RSPO4: variants seen among roughly 807,000 people sequenced by gnomAD.
RSPO4 encodes the protein R-spondin 4.
A neutral mutation model predicts 24.8 loss-of-function variants in RSPO4; 23 were observed. That is an observed-to-expected ratio of 0.93 (90% CI 0.67 to 1.31). RSPO4 has a LOEUF of 1.31. Among genes scored for constraint, RSPO4 ranks in the 40% most tolerant of loss-of-function variants. The probability of loss-of-function intolerance (pLI) is 0.00; values close to 1 mark genes in which losing one functional copy is unlikely to be tolerated. For missense variants in RSPO4, 333 were observed against 316.5 expected (o/e 1.05, Z -0.39); for synonymous variants, 141 against 127.4 (o/e 1.11, Z -0.72).
chr20:976,550 A>T (rs923442037), intron 1 of RSPO4, among the ~76,000 whole-genome samples: 4 of 152,112 alleles, frequency 2.6e-5, no homozygotes, highest in African/African-American at 9.7e-5. Context: ...ACGGCTCAAC[A>T]TGTGCAAGTG....
At position 964,004 on chromosome 20, in the gene RSPO4, C is replaced by T. The variant is rs769999094; in HGVS notation, c.526G>A (p.Glu176Lys). ...RVREAGRAGH[E>K]EAATCQVLSE... ...AGCACCTGGCAGGTGGCTGCCTCCT[C>T]ATGCCCAGCCCGGCCAGCCTCTCGT... Residue 176 changes from glutamate (E) to lysine (K), a missense_variant, in exon 4 of 5, where the codon GAG becomes AAG. By Grantham distance (56) the Glu-to-Lys change is moderately conservative. Transcript: ENST00000217260. 1.3e-5 allele frequency: 21 copies of T among 1,613,796 alleles called. No individual in the cohort carries two copies. The highest frequency in any genetic ancestry group is 8.5e-7 in the Non-Finnish European group (1 of 1,180,042).
chr20:968,157 C>A lies in RSPO4; in HGVS notation c.80-19G>T, dbSNP rs766094662. The stretch of plus-strand genomic sequence containing the variant: ...GTGCCCACTGCCCACAAGACCAGGG[C>A]AGAAGGAGGGGGAAAGGGAGAGAGA... On this transcript the variant is annotated intron_variant, in intron 1 of 4. Transcript: ENST00000217260. 1 of 1,611,720 alleles carries A rather than the reference C, an allele frequency of 6.2e-7. No homozygotes were observed. Among genetic ancestry groups the A allele is most frequent in the South Asian group, 1.1e-5 (1 of 91,036 alleles).
chr20:993,857 G>T (rs1985190276), intron 1 of RSPO4, among the ~76,000 whole-genome samples: 1 of 152,184 alleles, frequency 6.6e-6, no homozygotes, highest in South Asian at 2.1e-4. Flanking sequence ...CCTCAGAGGG[G>T]TGCTGTGAGG....
chr20:992,992 C>T (rs1423479758), intron 1 of RSPO4, among the ~76,000 whole-genome samples: 1 of 152,180 alleles, frequency 6.6e-6, no homozygotes, highest in Non-Finnish European at 1.5e-5. Flanking sequence ...CAGCTGTGCC[C>T]ACTGGCCAAC....
chr20:998,146 C>G (rs56399744), intron 1 of RSPO4, among the ~76,000 whole-genome samples: 2,741 of 152,246 alleles, frequency 0.018, 31 homozygotes, highest in Non-Finnish European at 0.026. Context: ...AAGGTTTGAT[C>G]CCAGGGCTCT....
intron 1 of RSPO4, among the ~76,000 whole-genome samples, chr20:982,858 T>C (rs1410621045): frequency 2.0e-5 from 3 of 152,214 alleles, no homozygotes; most frequent in Non-Finnish European, 2.9e-5. Flanking sequence ...AGCAGAGGCC[T>C]CTCGTGGCTC....
intron 1 of RSPO4, among the ~76,000 whole-genome samples, chr20:997,677 A>T (rs1479947689): frequency 1.3e-5 from 2 of 152,212 alleles, no homozygotes; most frequent in Non-Finnish European, 2.9e-5. Flanking sequence ...GGCCTGGTGC[A>T]TCTGTCTGTG....
At chr20:996,242 G>A (rs996709620) in intron 1 of RSPO4, among the ~76,000 whole-genome samples, 9 of 151,980 alleles carry the variant, frequency 5.9e-5, no homozygotes, top group Non-Finnish European at 1.0e-4. Flanking sequence ...ATTCCATTCC[G>A]TTACCATTCC....
At chr20:972,618 C>T (rs1984441519) in intron 1 of RSPO4, among the ~76,000 whole-genome samples, 1 of 152,218 alleles carries the variant, frequency 6.6e-6, no homozygotes, top group South Asian at 2.1e-4. Context: ...CTTGGCGTGG[C>T]TGTATTAACC....
At chr20:977,433 G>A (rs1275358817) in intron 1 of RSPO4, among the ~76,000 whole-genome samples, 1 of 152,170 alleles carries the variant, frequency 6.6e-6, no homozygotes, top group South Asian at 2.1e-4. Context: ...TGTAAAACAA[G>A]AATCCTCCTG....
chr20:990,407 C>T (rs1985058565), intron 1 of RSPO4, among the ~76,000 whole-genome samples: 1 of 152,200 alleles, frequency 6.6e-6, no homozygotes, highest in Non-Finnish European at 1.5e-5. Flanking sequence ...GCTGGCTTTG[C>T]ACACAAACAT....
chr20:974,422 G>T (rs1219705478), intron 1 of RSPO4, among the ~76,000 whole-genome samples: 1 of 152,204 alleles, frequency 6.6e-6, no homozygotes, highest in East Asian at 1.9e-4. Flanking sequence ...AGGTGGGAGG[G>T]TAGCCTGTTC....
intron 1 of RSPO4, among the ~76,000 whole-genome samples, chr20:972,944 A>C (rs1042493915): frequency 6.6e-6 from 1 of 152,220 alleles, no homozygotes; most frequent in Non-Finnish European, 1.5e-5. Flanking sequence ...CAGAAAAACA[A>C]AGTAGCATTT....
At position 964,080 on chromosome 20, in the gene RSPO4, G is replaced by T. The variant is rs759420136; in HGVS notation, c.450C>A (p.Cys150Ter). ...AGCCGCAGGTCTTTCCATTGTGTGT[G>T]CAGGGGCTCCAGCCGCCCCAGGGAC... ...ELGPWGGWSP[C>*]THNGKTCGSA... Residue 150 changes from cysteine (C) to a stop codon, truncating the protein, a stop_gained, in exon 4 of 5, where the codon TGC (cysteine) becomes TGA (stop). Coordinates refer to ENST00000217260, the MANE Select transcript of RSPO4 (RefSeq NM_001029871.4). LOFTEE classifies it high-confidence loss of function. The T allele has an allele frequency of 6.2e-7, 1 of 1,613,682 alleles. No individual in the cohort carries two copies. Among genetic ancestry groups the T allele is most frequent in the Non-Finnish European group, 8.5e-7 (1 of 1,179,926 alleles).
chr20:985,753 A>T (rs1036770822), intron 1 of RSPO4, among the ~76,000 whole-genome samples: 5 of 152,184 alleles, frequency 3.3e-5, no homozygotes, highest in African/African-American at 1.2e-4. Context: ...TCTAAAGAGG[A>T]TCTAAGGAGG....
At chr20:978,962 CA>C (rs1984653255) in intron 1 of RSPO4, among the ~76,000 whole-genome samples, 1 of 151,972 alleles carries the variant, frequency 6.6e-6, no homozygotes, top group Non-Finnish European at 1.5e-5. Flanking sequence ...GGCACACATC[CA>C]AAATGGAAAC....
At chr20:998,158 C>T (rs1985353780) in intron 1 of RSPO4, among the ~76,000 whole-genome samples, 1 of 152,182 alleles carries the variant, frequency 6.6e-6, no homozygotes, top group Non-Finnish European at 1.5e-5. Flanking sequence ...CAGGGCTCTT[C>T]ACTTTGCCCC....
intron 1 of RSPO4, among the ~76,000 whole-genome samples, chr20:997,429 A>G: frequency 6.6e-6 from 1 of 152,312 alleles, no homozygotes; most frequent in African/African-American, 2.4e-5. Context: ...AAGCATTCAG[A>G]TTTCCATTTC....
intron 1 of RSPO4, among the ~76,000 whole-genome samples, chr20:977,360 C>T (rs1311251129): frequency 6.6e-6 from 1 of 152,174 alleles, no homozygotes; most frequent in Non-Finnish European, 1.5e-5. Flanking sequence ...AGCTCTGCCC[C>T]TTACCTTTGC....
Sources: allele counts gnomAD v4.1 joint callset (sites outside exome capture counted in the v4.1 genomes callset), GRCh38; gene constraint gnomAD v4.1.1; transcripts MANE v1.5; gene names NCBI Gene and HGNC (gene_info 2026-07-23, HGNC 2026-07-21).